MECOM: variants seen among roughly 807,000 people sequenced by gnomAD.
The protein encoded by MECOM is MDS1 and EVI1 complex locus.
MECOM carries 13 observed loss-of-function variants against 116.3 expected under a neutral mutation model. The ratio of observed to expected loss-of-function variants is 0.11; its 90% confidence interval spans 0.07 to 0.18. The LOEUF is 0.18. Ranked by LOEUF, MECOM falls within the 10% of genes least tolerant of loss-of-function variation. The pLI is 1.00. For synonymous variants in MECOM, 528 were observed against 535.2 expected, an observed-to-expected ratio of 0.99 and a Z score of 0.19; for missense variants, 1,299 against 1,509.0, an observed-to-expected ratio of 0.86 and a Z score of 2.31.
intron 1 of MECOM, among the ~76,000 whole-genome samples, chr3:169,634,944 T>C (rs950268396): frequency 9.2e-5 from 14 of 151,980 alleles, no homozygotes; most frequent in African/African-American, 3.1e-4. Context: ...ACCTTGTTTT[T>C]CTGTTGGGTC....
intron 2 of MECOM, among the ~76,000 whole-genome samples, chr3:169,294,928 C>A (rs1560099157): frequency 6.6e-6 from 1 of 152,284 alleles, no homozygotes; most frequent in East Asian, 1.9e-4. Context: ...GATCCACAAG[C>A]ACCCTCTTTT....
chr3:169,317,477 A>G (rs1577693225), intron 2 of MECOM, among the ~76,000 whole-genome samples: 1 of 152,232 alleles, frequency 6.6e-6, no homozygotes, highest in East Asian at 1.9e-4. Context: ...TCAGCCACTG[A>G]TCCAGAAGTT....
chr3:169,583,309 A>G (rs1765341213), intron 1 of MECOM, among the ~76,000 whole-genome samples: 1 of 152,226 alleles, frequency 6.6e-6, no homozygotes, highest in South Asian at 2.1e-4. Context: ...TTCTACTTAT[A>G]TCCCTCGATA....
At chr3:169,178,524 T>TC (rs1745505869) in intron 2 of MECOM, among the ~76,000 whole-genome samples, 1 of 152,156 alleles carries the variant, frequency 6.6e-6, no homozygotes, top group African/African-American at 2.4e-5. Context: ...GGGAGGACAA[T>TC]GTATAGCCAG....
chr3:169,281,072 G>A (rs757021337), intron 2 of MECOM, among the ~76,000 whole-genome samples: 2 of 152,150 alleles, frequency 1.3e-5, no homozygotes, highest in Non-Finnish European at 2.9e-5. Flanking sequence ...CTTTAATCAC[G>A]TCACATAGGA....
At chr3:169,158,784 A>G (rs1358763999) in intron 2 of MECOM, among the ~76,000 whole-genome samples, 6 of 152,228 alleles carry the variant, frequency 3.9e-5, no homozygotes, top group Admixed American at 3.3e-4. Flanking sequence ...GGTTTCATTT[A>G]TGAAAAATAT....
In MECOM at chr3:169,211,076, CAT is replaced by C. The variant is rs754988104; in HGVS notation, c.376-67246_376-67245del. ...ATTTTATGATTAATGGTATGTCAAA[CAT>C]GTGTGCACAAGTCTTTTTGTGGAAC... is the stretch of plus-strand genomic sequence containing the variant. On this transcript the variant is annotated intron_variant, in intron 2 of 16. Coordinates refer to ENST00000651503, the MANE Select transcript of MECOM (RefSeq NM_004991.4). Among the ~76,000 whole-genome samples, 38 of 152,276 alleles carry C rather than the reference CAT, an allele frequency of 2.5e-4. No homozygotes were observed. The East Asian group carries it at 2.7e-3, about 11-fold the overall frequency.
At chr3:169,160,331 T>A (rs1314245891) in intron 2 of MECOM, among the ~76,000 whole-genome samples, 1 of 151,846 alleles carries the variant, frequency 6.6e-6, no homozygotes, top group African/African-American at 2.4e-5. Context: ...AAAATAAGAA[T>A]CTTCAAAATT....
chr3:169,535,993 A>G (rs1759303572), intron 1 of MECOM, among the ~76,000 whole-genome samples: 1 of 152,216 alleles, frequency 6.6e-6, no homozygotes, highest in African/African-American at 2.4e-5. Context: ...CAACTAATAC[A>G]GTGCTCACTC....
intron 2 of MECOM, among the ~76,000 whole-genome samples, chr3:169,289,043 G>C (rs1383687731): frequency 6.6e-6 from 1 of 152,196 alleles, no homozygotes; most frequent in African/African-American, 2.4e-5. Context: ...CTGAAGTACA[G>C]TTCTATAAAC....
intron 1 of MECOM, among the ~76,000 whole-genome samples, chr3:169,514,996 T>G (rs1424873605): frequency 6.6e-6 from 1 of 152,154 alleles, no homozygotes; most frequent in Non-Finnish European, 1.5e-5. Context: ...AATTCTGCAT[T>G]AAAAGAAGAA....
chr3:169,378,497 GA>G (rs879911806), intron 2 of MECOM, among the ~76,000 whole-genome samples: 857 of 32,114 alleles, frequency 0.027, 140 homozygotes, highest in Non-Finnish European at 0.031. Context: ...GAGAAAGAAA[GA>G]AAGAAAGAAA....
chr3:169,553,828 T>C (rs544274407), intron 1 of MECOM, among the ~76,000 whole-genome samples: 58 of 152,320 alleles, frequency 3.8e-4, no homozygotes, highest in African/African-American at 1.4e-3. Flanking sequence ...CTAATTGTCT[T>C]TTCTTATAAG....
chr3:169,453,130 G>A (rs1295740208), intron 1 of MECOM, among the ~76,000 whole-genome samples: 1 of 152,136 alleles, frequency 6.6e-6, no homozygotes, highest in Non-Finnish European at 1.5e-5. Context: ...ATATACAGAG[G>A]TGGTTAATTA....
chr3:169,501,060 T>C (rs955977593), intron 1 of MECOM, among the ~76,000 whole-genome samples: 1 of 152,052 alleles, frequency 6.6e-6, no homozygotes, highest in African/African-American at 2.4e-5. Flanking sequence ...ACAACTTACT[T>C]ATCTCTCTGT....
At chr3:169,110,863 C>T (rs1317489721) in intron 9 of MECOM, among the ~76,000 whole-genome samples, 3 of 152,200 alleles carry the variant, frequency 2.0e-5, no homozygotes, top group African/African-American at 7.2e-5. Context: ...TGCCACTGTG[C>T]TCCCACAGGC....
At chr3:169,089,631 C>A (rs1026677555) in intron 15 of MECOM, among the ~76,000 whole-genome samples, 4 of 152,018 alleles carry the variant, frequency 2.6e-5, no homozygotes, top group Admixed American at 6.6e-5. Flanking sequence ...TGAAGTTTAT[C>A]TCAATTATAC....
chr3:169,430,470 T>C (rs572972076), intron 1 of MECOM, among the ~76,000 whole-genome samples: 19 of 152,166 alleles, frequency 1.2e-4, no homozygotes, highest in Non-Finnish European at 2.6e-4. Flanking sequence ...TTTTAGGCCC[T>C]TGGAAAACTA....
chr3:169,186,519 A>C (rs1577289787), intron 2 of MECOM, among the ~76,000 whole-genome samples: 1 of 152,138 alleles, frequency 6.6e-6, no homozygotes, highest in East Asian at 1.9e-4. Flanking sequence ...ATATCATATT[A>C]AATTTATTCT....
Sources: gnomAD v4.1 joint callset for allele counts (sites outside exome capture counted in the v4.1 genomes callset) on GRCh38, gnomAD v4.1.1 for gene constraint, MANE v1.5 for transcripts, NCBI Gene and HGNC (gene_info 2026-07-23, HGNC 2026-07-21) for gene names.